The following LAMA2 variants were observed in gnomAD, a reference collection of about 807,000 sequenced individuals.
LAMA2 encodes the protein laminin subunit alpha-2.
Under a neutral mutation model 364.8 loss-of-function variants are expected in LAMA2, and 269 were observed. The observed-to-expected ratio is 0.74, with a 90% confidence interval of 0.67 to 0.82. The LOEUF (loss-of-function observed/expected upper bound fraction) is 0.82. Ranked by LOEUF, LAMA2 falls within the 40% of genes least tolerant of loss-of-function variation. LAMA2 has a pLI of 0.00. For missense variants in LAMA2, 3,807 were observed against 3,873.2 expected (o/e 0.98, Z 0.45); for synonymous variants, 1,379 against 1,370.6 (o/e 1.01, Z -0.14).
chr6:129,251,794 G>C (rs1169444953), intron 13 of LAMA2, among the ~76,000 whole-genome samples: 2 of 152,050 alleles, frequency 1.3e-5, no homozygotes, highest in Admixed American at 6.5e-5. Context: ...AATTAGCCAG[G>C]CTTGGTGGCA....
chr6:129,097,765 G>T (rs980606436), intron 3 of LAMA2, among the ~76,000 whole-genome samples: 1 of 152,124 alleles, frequency 6.6e-6, no homozygotes, highest in African/African-American at 2.4e-5. Flanking sequence ...AAGTAAACAA[G>T]TTTTCTAAAC....
intron 12 of LAMA2, among the ~76,000 whole-genome samples, chr6:129,226,267 A>G (rs1784268245): frequency 6.6e-6 from 1 of 152,112 alleles, no homozygotes; most frequent in Admixed American, 6.5e-5. Flanking sequence ...CAGCACACTG[A>G]TGGGTCTTGA....
intron 46 of LAMA2, among the ~76,000 whole-genome samples, chr6:129,453,783 C>T (rs114024195): frequency 0.033 from 5,036 of 151,912 alleles, 283 homozygotes; most frequent in African/African-American, 0.12. Context: ...CATAGCTGCC[C>T]CCTCAAAAAT....
At chr6:129,294,631 G>T (rs944430044) in intron 20 of LAMA2, among the ~76,000 whole-genome samples, 2 of 151,998 alleles carry the variant, frequency 1.3e-5, no homozygotes, top group Non-Finnish European at 2.9e-5. Flanking sequence ...TGAATTTTGG[G>T]GGACATAAAC....
chr6:128,966,374 C>A (rs985853529), intron 1 of LAMA2, among the ~76,000 whole-genome samples: 1 of 152,028 alleles, frequency 6.6e-6, no homozygotes, highest in African/African-American at 2.4e-5. Flanking sequence ...TTGGGAAATA[C>A]AAATTTCTTT....
chr6:128,988,365 A>T (rs1406740420), intron 1 of LAMA2, among the ~76,000 whole-genome samples: 1 of 152,226 alleles, frequency 6.6e-6, no homozygotes, highest in Non-Finnish European at 1.5e-5. Context: ...TGGACTAAAA[A>T]AAAAATTTGA....
chr6:129,100,702 A>G (rs913843794), intron 4 of LAMA2, among the ~76,000 whole-genome samples: 3 of 152,214 alleles, frequency 2.0e-5, no homozygotes, highest in Non-Finnish European at 4.4e-5. Context: ...TGCTGGATCT[A>G]ATGTAAGTAG....
chr6:128,889,311 T>G (rs911035756), intron 1 of LAMA2, among the ~76,000 whole-genome samples: 2 of 152,168 alleles, frequency 1.3e-5, no homozygotes, highest in East Asian at 1.9e-4. Context: ...GAAAATGACA[T>G]AGTGATGTAT....
At chr6:128,895,390 T>G (rs1048495230) in intron 1 of LAMA2, among the ~76,000 whole-genome samples, 1 of 147,050 alleles carries the variant, frequency 6.8e-6, no homozygotes, top group Non-Finnish European at 1.5e-5. Flanking sequence ...CCCAGCACTT[T>G]GGGAGGCCGG....
intron 4 of LAMA2, among the ~76,000 whole-genome samples, chr6:129,123,304 T>G (rs1401619188): frequency 2.8e-5 from 4 of 141,378 alleles, no homozygotes; most frequent in African/African-American, 1.0e-4. Context: ...AGACTCTGTC[T>G]CAAAAAAAAA....
rs932878937 is a variant in LAMA2, at chr6:129,098,209, A to T, written c.433A>T (p.Asn145Tyr). ...CGCGTATGTGATTGTGAAGGCAGCTAACTCCCCCCGGCCTGGAAACTGGAT... is the reference window on the plus strand; with the variant it reads ...CGCGTATGTGATTGTGAAGGCAGCTTACTCCCCCCGGCCTGGAAACTGGAT... Reference protein sequence around the residue: ...QIAYVIVKAANSPRPGNWILE... With the variant: ...QIAYVIVKAAYSPRPGNWILE... The change falls in exon 4 of 65, where the codon AAC (asparagine) becomes TAC (tyrosine). Residue 145 changes from asparagine (N) to tyrosine (Y), a missense_variant. Physicochemically the swap from Asn to Tyr is moderately radical, Grantham distance 143 (BLOSUM62 -2). Around this residue, in one of 3 missense-constraint regions of LAMA2, gnomAD observed 394 missense variants for 403.5 expected, o/e 0.98. Coordinates refer to ENST00000421865, the MANE Select transcript of LAMA2 (RefSeq NM_000426.4). 1 of 1,613,926 alleles carries T rather than the reference A, an allele frequency of 6.2e-7. No homozygotes were observed. The highest frequency in any genetic ancestry group is 8.5e-7 in the Non-Finnish European group (1 of 1,179,970).
chr6:129,464,958 T>C (rs867450309), intron 50 of LAMA2, among the ~76,000 whole-genome samples, 187 bp from the exon 51 acceptor site: 2 of 152,010 alleles, frequency 1.3e-5, no homozygotes. Context: ...ATGTGCATCA[T>C]AATATCACAG....
chr6:129,261,557 G>A lies in LAMA2; in HGVS notation c.2208+735G>A, dbSNP rs976343040. On this transcript the variant is annotated intron_variant, in intron 15 of 64. Transcript: ENST00000421865. ...CAAAAAATGTGAACACTATTTCCTT[G>A]ACAGAGCGCATGGCTAGCAGATAAA... is the stretch of plus-strand genomic sequence containing the variant. 1.1e-4 allele frequency among the ~76,000 whole-genome samples: 17 copies of A among 152,194 alleles called. 1 individual carries two copies. In the Middle Eastern group the frequency reaches 0.01, roughly 91 times the overall value.
intron 1 of LAMA2, among the ~76,000 whole-genome samples, chr6:128,917,188 A>C (rs1312485227): frequency 6.6e-6 from 1 of 152,014 alleles, no homozygotes; most frequent in Non-Finnish European, 1.5e-5. Flanking sequence ...AAAAAAAAAA[A>C]AACTAATTAC....
intron 1 of LAMA2, chr6:128,929,266 G>A (rs1034286603): frequency 8.0e-6 from 11 of 1,381,738 alleles, no homozygotes; most frequent in African/African-American, 1.4e-5. Flanking sequence ...CAATGGCTAA[G>A]TTCCCGTCAT....
intron 34 of LAMA2, 127 bp downstream of exon 34, chr6:129,370,117 T>C: frequency 1.3e-6 from 1 of 773,812 alleles, no homozygotes; most frequent in Admixed American, 2.0e-5. Flanking sequence ...AAAATAGATG[T>C]ATTCTGACTT....
chr6:129,297,376 C>T (rs1773251861), intron 20 of LAMA2, among the ~76,000 whole-genome samples: 1 of 152,128 alleles, frequency 6.6e-6, no homozygotes, highest in South Asian at 2.1e-4. Flanking sequence ...ACCTATAGGT[C>T]CTTTCCATAT....
intron 9 of LAMA2, among the ~76,000 whole-genome samples, chr6:129,176,738 T>C (rs1780619604): frequency 6.6e-6 from 1 of 152,272 alleles, no homozygotes; most frequent in Middle Eastern, 3.4e-3. Context: ...TTTTTTTCTT[T>C]TCCATACGCT....
At chr6:129,029,659 T>C (rs932563165) in intron 1 of LAMA2, among the ~76,000 whole-genome samples, 2 of 151,956 alleles carry the variant, frequency 1.3e-5, no homozygotes, top group African/African-American at 4.8e-5. Flanking sequence ...TGGCTGTTCA[T>C]AACTGGAAAA....
Sources: allele counts gnomAD v4.1 joint callset (sites outside exome capture counted in the v4.1 genomes callset), GRCh38; gene constraint gnomAD v4.1.1; regional missense constraint gnomAD v4.1.1; transcripts MANE v1.5; gene names NCBI Gene and HGNC (gene_info 2026-07-23, HGNC 2026-07-21).